Variants in ROBO2 observed in about 807,000 individuals in gnomAD.
ROBO2 encodes roundabout guidance receptor 2, also known as roundabout homolog 2.
Under a neutral mutation model 160.8 loss-of-function variants are expected in ROBO2, and 53 were observed. The observed-to-expected ratio is 0.33, with a 90% CI of 0.26 to 0.41. The LOEUF is 0.41. ROBO2 is among the 10% of genes least tolerant of loss of function. The pLI, the probability that ROBO2 is intolerant of heterozygous loss-of-function variation, is 1.00. For synonymous variants in ROBO2, 664 were observed against 611.7 expected (o/e 1.09, Z -1.26); for missense variants, 1,577 against 1,722.4 (o/e 0.92, Z 1.49).
chr3:77,345,085 C>A (rs977147987), intron 2 of ROBO2, among the ~76,000 whole-genome samples: 3 of 151,878 alleles, frequency 2.0e-5, no homozygotes, highest in African/African-American at 4.8e-5. Context: ...TTAAAAAAAA[C>A]CGTAAAAACT....
In ROBO2 at chr3:76,995,652, A is replaced by G. The variant is rs573590897; in HGVS notation, c.110-102362A>G. Reference sequence around the variant, plus strand: ...TTTAATGATCACCATTCTAACTGGTATGAGATGGTATCTCATTGTGGTTTT... The same window carrying G: ...TTTAATGATCACCATTCTAACTGGTGTGAGATGGTATCTCATTGTGGTTTT... On this transcript the variant is annotated intron_variant, in intron 2 of 26. Transcript: ENST00000487694. 1.6e-4 allele frequency among the ~76,000 whole-genome samples: 24 copies of G among 152,238 alleles called. No individual in the cohort carries two copies. The South Asian group carries it at 4.2e-3, about 26-fold the overall frequency.
chr3:77,567,761 C>G (rs2093526185), intron 12 of ROBO2, among the ~76,000 whole-genome samples: 1 of 152,164 alleles, frequency 6.6e-6, no homozygotes, highest in Non-Finnish European at 1.5e-5. Flanking sequence ...ACTCTATTTA[C>G]CTTTAATGAC....
chr3:76,214,816 C>G (rs1030874144), intron 2 of ROBO2, among the ~76,000 whole-genome samples: 2 of 152,316 alleles, frequency 1.3e-5, no homozygotes, highest in African/African-American at 2.4e-5. Context: ...AGAGAGAAGT[C>G]GTTCTCCCAG....
chr3:75,919,344 G>T (rs1449909336), intron 1 of ROBO2, among the ~76,000 whole-genome samples: 1 of 152,134 alleles, frequency 6.6e-6, no homozygotes, highest in Non-Finnish European at 1.5e-5. Context: ...TACATTTATT[G>T]ATTTGCGTAT....
chr3:76,845,330 A>G (rs538521963), intron 2 of ROBO2, among the ~76,000 whole-genome samples: 1 of 152,150 alleles, frequency 6.6e-6, no homozygotes, highest in South Asian at 2.1e-4. Context: ...AGAATAAAAT[A>G]TCTGTGATTT....
intron 2 of ROBO2, among the ~76,000 whole-genome samples, chr3:76,287,291 T>C (rs1199940866): frequency 6.7e-6 from 1 of 149,082 alleles, no homozygotes; most frequent in Non-Finnish European, 1.5e-5. Flanking sequence ...TCTTTCTTTT[T>C]TTTCTTTTCT....
chr3:76,434,284 C>G (rs1421180003), intron 2 of ROBO2: 1 of 1,011,766 alleles, frequency 9.9e-7, no homozygotes, highest in Admixed American at 1.7e-5. Flanking sequence ...TGTCAACAGC[C>G]AGCAGATAAT....
Position 76,798,291 on chromosome 3 carries a change from A to G in ROBO2, c.110-299723A>G, listed in dbSNP as rs1226941363. On this transcript the variant is annotated intron_variant, in intron 2 of 26. Transcript: ENST00000487694. Reference sequence around the variant, plus strand: ...AAGAAAGAAAGAAAGAAAGAAAGAAAGAAAGAAAGAAAGAAAGAAAGAAAA... The same window carrying G: ...AAGAAAGAAAGAAAGAAAGAAAGAAGGAAAGAAAGAAAGAAAGAAAGAAAA... Among the ~76,000 whole-genome samples, 3 of 150,160 alleles carry G rather than the reference A, an allele frequency of 2.0e-5. 1 individual carries two copies. Among genetic ancestry groups the G allele is most frequent in the Admixed American group, 2.0e-4 (3 of 15,148 alleles).
chr3:76,754,468 C>T (rs2060854500), intron 2 of ROBO2, among the ~76,000 whole-genome samples: 1 of 151,900 alleles, frequency 6.6e-6, no homozygotes, highest in Non-Finnish European at 1.5e-5. Flanking sequence ...TCTTGCTGCT[C>T]TTCTGTGTTT....
At chr3:77,282,350 T>C (rs564384125) in intron 2 of ROBO2, among the ~76,000 whole-genome samples, 2 of 152,266 alleles carry the variant, frequency 1.3e-5, no homozygotes, top group East Asian at 1.9e-4. Context: ...GTATAGACTG[T>C]AATTAGGCTG....
chr3:77,170,279 T>C (rs1362815521), intron 2 of ROBO2, among the ~76,000 whole-genome samples: 2 of 152,186 alleles, frequency 1.3e-5, no homozygotes, highest in Non-Finnish European at 2.9e-5. Flanking sequence ...CAGATAGTTA[T>C]TGGGTATACA....
chr3:76,509,667 C>T (rs573006298), intron 2 of ROBO2, among the ~76,000 whole-genome samples: 6 of 152,226 alleles, frequency 3.9e-5, no homozygotes, highest in South Asian at 2.1e-4. Context: ...ACGGAAGTCA[C>T]GCTCCACGAA....
At chr3:77,129,437 A>G (rs1170456714) in intron 2 of ROBO2, among the ~76,000 whole-genome samples, 2 of 152,206 alleles carry the variant, frequency 1.3e-5, no homozygotes, top group African/African-American at 2.4e-5. Flanking sequence ...TTATTCCTGT[A>G]GCATAAAAAT....
At chr3:76,920,558 A>G (rs898234143) in intron 2 of ROBO2, among the ~76,000 whole-genome samples, 3 of 152,212 alleles carry the variant, frequency 2.0e-5, no homozygotes, top group Non-Finnish European at 2.9e-5. Flanking sequence ...GTAAACTACA[A>G]TTTGGTGCTG....
intron 2 of ROBO2, among the ~76,000 whole-genome samples, chr3:77,333,339 C>T (rs1302671784): frequency 6.6e-6 from 1 of 152,146 alleles, no homozygotes; most frequent in South Asian, 2.1e-4. Flanking sequence ...TCTAACATTA[C>T]ACTTAGAAGG....
chr3:76,149,905 A>G (rs915311980), intron 2 of ROBO2, among the ~76,000 whole-genome samples: 24 of 134,438 alleles, frequency 1.8e-4, no homozygotes, highest in Non-Finnish European at 1.7e-4. Flanking sequence ...TCTGTCTAAA[A>G]CACACATCTG....
intron 2 of ROBO2, among the ~76,000 whole-genome samples, chr3:75,993,375 C>A (rs114352584): frequency 6.6e-6 from 1 of 152,042 alleles, no homozygotes; most frequent in Admixed American, 6.6e-5. Context: ...CTGCACAAGC[C>A]CTCTCTCTCT....
At chr3:75,912,972 T>C (rs913842987) in intron 1 of ROBO2, among the ~76,000 whole-genome samples, 24 of 152,154 alleles carry the variant, frequency 1.6e-4, no homozygotes, top group African/African-American at 5.6e-4. Flanking sequence ...TAACTTAAAA[T>C]AACACATATT....
rs182297253 is a variant in ROBO2, at chr3:77,430,565, A to T, written c.389-46849A>T. The stretch of plus-strand genomic sequence containing the variant: ...AATTCTTATATTGGAATCCTAAACC[A>T]CAAAAGGATGATACTAGATTATGAA... On this transcript the variant is annotated intron_variant, in intron 2 of 25. Transcript: ENST00000461745. 2.0e-4 allele frequency among the ~76,000 whole-genome samples: 31 copies of T among 152,178 alleles called. 1 individual carries two copies. The highest frequency in any genetic ancestry group is 4.0e-4 in the Non-Finnish European group (27 of 68,006).
Sources: allele counts gnomAD v4.1 joint callset (sites outside exome capture counted in the v4.1 genomes callset), GRCh38; gene constraint gnomAD v4.1.1; transcripts MANE v1.5; gene names NCBI Gene and HGNC (gene_info 2026-07-23, HGNC 2026-07-21).